Variants in PPP6R3 observed in about 807,000 individuals in gnomAD.
The protein encoded by PPP6R3 is protein phosphatase 6 regulatory subunit 3, also known as serine/threonine-protein phosphatase 6 regulatory subunit 3.
Under a neutral mutation model 110.7 loss-of-function variants are expected in PPP6R3, and 38 were observed. The ratio of observed to expected loss-of-function variants is 0.34; its 90% CI spans 0.26 to 0.45. The LOEUF is 0.45. Among genes scored for constraint, PPP6R3 ranks in the 20% least tolerant of loss-of-function variants. The pLI is 1.00. For missense variants in PPP6R3, 870 were observed against 1,062.4 expected (o/e 0.82, Z 2.52); for synonymous variants, 369 against 373.5 (o/e 0.99, Z 0.14).
chr11:68,552,299 A>G (rs1254361115), intron 6 of PPP6R3, among the ~76,000 whole-genome samples: 1 of 152,226 alleles, frequency 6.6e-6, no homozygotes, highest in Non-Finnish European at 1.5e-5. Flanking sequence ...CGAGCACAGC[A>G]GAGGAGCTGT....
intron 14 of PPP6R3, among the ~76,000 whole-genome samples, chr11:68,576,402 A>T (rs1299814324): frequency 6.6e-6 from 1 of 152,200 alleles, no homozygotes; most frequent in East Asian, 1.9e-4. Context: ...CTGGGTGCTT[A>T]GGAAAGCGAA....
At chr11:68,567,730 T>A (rs1248834329) in intron 10 of PPP6R3, among the ~76,000 whole-genome samples, 1 of 152,214 alleles carries the variant, frequency 6.6e-6, no homozygotes, top group Non-Finnish European at 1.5e-5. Flanking sequence ...CCCATGCTTC[T>A]TCTCTGTGTG....
At chr11:68,464,724 A>G (rs1285984286) in intron 1 of PPP6R3, among the ~76,000 whole-genome samples, 1 of 152,154 alleles carries the variant, frequency 6.6e-6, no homozygotes, top group Non-Finnish European at 1.5e-5. Flanking sequence ...CCTCATGAAA[A>G]TACATTACCA....
In PPP6R3 at chr11:68,544,874, T is replaced by C. The variant is rs1049988216; in HGVS notation, c.264T>C (p.Asp88=). 6.2e-7 allele frequency: 1 copy of C among 1,607,512 alleles called. No individual in the cohort carries two copies. The highest frequency in any genetic ancestry group is 1.3e-5 in the African/African-American group (1 of 74,796). Reference sequence around the variant, plus strand: ...TATCTTGTGAGTTGCTCACTTCTGATGTCTCCCAGATGAATGATAGACTGG... The same window carrying C: ...TATCTTGTGAGTTGCTCACTTCTGACGTCTCCCAGATGAATGATAGACTGG... The part of the protein sequence containing the change: ...PNISCELLTS[D]VSQMNDRLGE... Residue 88 remains aspartate (D), a synonymous_variant, in exon 4 of 24, where the codon GAT becomes GAC. Transcript: ENST00000393800.
At chr11:68,603,691 A>T in intron 22 of PPP6R3, 199 bp downstream of exon 22, 5 of 609,080 alleles carry the variant, frequency 8.2e-6, no homozygotes, top group Non-Finnish European at 1.4e-5. Context: ...CTTTTCCCCC[A>T]TAAATGTGTT....
chr11:68,602,012 T>C, intron 21 of PPP6R3, 43 bp downstream of exon 21: 1 of 1,485,650 alleles, frequency 6.7e-7, no homozygotes. Flanking sequence ...GTCACGTGGC[T>C]GCTTTGTCAA....
intron 1 of PPP6R3, among the ~76,000 whole-genome samples, chr11:68,515,867 C>T (rs2099134090): frequency 6.6e-6 from 1 of 152,220 alleles, no homozygotes. Context: ...ATTCTTTAGA[C>T]ATTGCCCCAT....
intron 1 of PPP6R3, among the ~76,000 whole-genome samples, chr11:68,477,070 C>T (rs115429768): frequency 1.8e-4 from 27 of 151,194 alleles, no homozygotes; most frequent in African/African-American, 6.3e-4. Flanking sequence ...TGGTCTAATG[C>T]GATTTTGATT....
intron 15 of PPP6R3, among the ~76,000 whole-genome samples, chr11:68,583,514 G>A (rs2099569107): frequency 6.6e-6 from 1 of 152,190 alleles, no homozygotes; most frequent in Admixed American, 6.5e-5. Context: ...TAAAATGTAA[G>A]TAAAAGTAAA....
At chr11:68,610,293 G>A (rs1019981674) in intron 23 of PPP6R3, among the ~76,000 whole-genome samples, 2 of 152,142 alleles carry the variant, frequency 1.3e-5, no homozygotes, top group African/African-American at 2.4e-5. Context: ...AAGTGGCTCC[G>A]AACAGAGGGG....
At chr11:68,466,551 G>T (rs1446046909) in intron 1 of PPP6R3, among the ~76,000 whole-genome samples, 1 of 149,738 alleles carries the variant, frequency 6.7e-6, no homozygotes, top group Non-Finnish European at 1.5e-5. Flanking sequence ...CCATTCTCCT[G>T]CCTCAGCCTC....
chr11:68,486,952 A>G (rs2098951652), intron 1 of PPP6R3, among the ~76,000 whole-genome samples: 1 of 152,004 alleles, frequency 6.6e-6, no homozygotes, highest in Admixed American at 6.6e-5. Flanking sequence ...TGGTATTGGA[A>G]ATTTGTGTCT....
intron 2 of PPP6R3, among the ~76,000 whole-genome samples, chr11:68,520,088 T>C (rs1277088174): frequency 1.3e-5 from 2 of 152,214 alleles, no homozygotes; most frequent in Non-Finnish European, 2.9e-5. Context: ...TCCATCACTT[T>C]AGAAGTTTTT....
At position 68,614,800 on chromosome 11, in the gene PPP6R3, C is replaced by G. The variant is rs926283152; in HGVS notation, c.*1683C>G. 6.6e-7 allele frequency: 1 copy of G among 1,507,506 alleles called. No homozygotes were observed. Among genetic ancestry groups the G allele is most frequent in the Non-Finnish European group, 9.0e-7 (1 of 1,109,966 alleles). 93.4% of individuals were successfully genotyped at this position (1,507,506 alleles called of 1,614,324 possible). A position where few individuals can be genotyped will look rare whatever the true frequency, so the allele number is the denominator to read the frequency against. On this transcript the variant is annotated 3_prime_UTR_variant, in exon 24 of 24. Coordinates refer to ENST00000393800, the MANE Select transcript of PPP6R3 (RefSeq NM_001164161.2). ...TGGGCCTCCTCTGGAAGCAGCACCC[C>G]CAGAGGACAGGGCTCCTCCTGCTTG...
chr11:68,468,151 T>TTACATAGG (rs1208603992), intron 1 of PPP6R3, among the ~76,000 whole-genome samples: 2 of 152,240 alleles, frequency 1.3e-5, no homozygotes. Context: ...GCCCCGGTGA[T>TTACATAGG]TCCATAGGAT....
intron 1 of PPP6R3, 143 bp downstream of exon 1, chr11:68,460,970 G>A (rs1161171883): frequency 6.6e-6 from 1 of 151,704 alleles, no homozygotes; most frequent in African/African-American, 2.4e-5. Context: ...CCCGGAATTC[G>A]TCGCTCCGCG....
At chr11:68,562,706 A>G (rs1010393849) in intron 8 of PPP6R3, among the ~76,000 whole-genome samples, 3 of 152,224 alleles carry the variant, frequency 2.0e-5, no homozygotes, top group South Asian at 4.1e-4. Flanking sequence ...TAGGTATTCT[A>G]TGCAGAACGT....
chr11:68,498,488 CAT>C (rs1384772796), intron 1 of PPP6R3, among the ~76,000 whole-genome samples: 1 of 152,202 alleles, frequency 6.6e-6, no homozygotes, highest in African/African-American at 2.4e-5. Flanking sequence ...GCAGCCATCA[CAT>C]GTCTCCTTGT....
intron 12 of PPP6R3, 180 bp downstream of exon 12, chr11:68,571,284 T>A: frequency 1.1e-6 from 1 of 904,300 alleles, no homozygotes; most frequent in Non-Finnish European, 1.5e-6. Context: ...TAATAATTTC[T>A]TGTTAGGTCC....
Sources: allele counts gnomAD v4.1 joint callset (sites outside exome capture counted in the v4.1 genomes callset), GRCh38; gene constraint gnomAD v4.1.1; transcripts MANE v1.5; gene names NCBI Gene and HGNC (gene_info 2026-07-23, HGNC 2026-07-21).